Variants in OPA1 observed in about 807,000 individuals in gnomAD.
The protein encoded by OPA1 is OPA1 mitochondrial dynamin like GTPase.
Under a neutral mutation model 152.9 loss-of-function variants are expected in OPA1, and 59 were observed. The observed-to-expected ratio is 0.39, with a 90% CI of 0.31 to 0.48. The LOEUF (loss-of-function observed/expected upper bound fraction) is 0.48, where lower values mean the gene tolerates loss of function less well. Among genes scored for constraint, OPA1 ranks in the 20% least tolerant of loss-of-function variants. OPA1 has a pLI of 0.96. For synonymous variants in OPA1, 400 were observed against 389.9 expected, an observed-to-expected ratio of 1.03 and a Z score of -0.31; for missense variants, 1,008 against 1,216.8, an observed-to-expected ratio of 0.83 and a Z score of 2.55.
Position 193,593,256 on chromosome 3 carries a change from T to C in OPA1, c.-122T>C, listed in dbSNP as rs1724924981. On this transcript the variant is annotated 5_prime_UTR_variant, in exon 1 of 31. Coordinates refer to ENST00000361510, the MANE Select transcript of OPA1 (RefSeq NM_130837.3). The stretch of plus-strand genomic sequence containing the variant: ...CCATTGGGAGGGCCTCGGCCGCGGC[T>C]CTGTGCCCTTGCTGCTGAGGGCCAC... 3.1e-6 allele frequency: 3 copies of C among 981,064 alleles called. No homozygotes were observed. Among genetic ancestry groups the C allele is most frequent in the Admixed American group, 3.1e-5 (1 of 31,858 alleles). 60.8% of individuals were successfully genotyped at this position (981,064 alleles called of 1,614,324 possible). A position where few individuals can be genotyped will look rare whatever the true frequency, so the allele number is the denominator to read the frequency against.
chr3:193,597,377 C>G (rs547234672), intron 1 of OPA1, among the ~76,000 whole-genome samples: 1 of 152,244 alleles, frequency 6.6e-6, no homozygotes, highest in Admixed American at 6.5e-5. Context: ...TCCGTAAGAG[C>G]TGTTTCGCTG....
At chr3:193,675,901 G>A (rs564593531) in intron 29 of OPA1, among the ~76,000 whole-genome samples, 1 of 152,234 alleles carries the variant, frequency 6.6e-6, no homozygotes, top group Non-Finnish European at 1.5e-5. Flanking sequence ...AAGTTGGGGG[G>A]AACTAACTCT....
chr3:193,614,090 A>G (rs889471450), intron 1 of OPA1: 6 of 418,594 alleles, frequency 1.4e-5, no homozygotes, highest in Non-Finnish European at 2.8e-5. Flanking sequence ...CAATGTGTAC[A>G]TTTAAATTCT....
chr3:193,671,339 A>G (rs140631430), intron 29 of OPA1, among the ~76,000 whole-genome samples: 37 of 152,350 alleles, frequency 2.4e-4, no homozygotes, highest in Admixed American at 3.9e-4. Flanking sequence ...TTCAGTCATA[A>G]CAATACATGA....
chr3:193,671,772 G>T (rs1186214475), intron 29 of OPA1, among the ~76,000 whole-genome samples: 1 of 152,156 alleles, frequency 6.6e-6, no homozygotes, highest in African/African-American at 2.4e-5. Flanking sequence ...TTAAAAAAAG[G>T]TTAAATTTTG....
intron 28 of OPA1, 84 bp from the exon 29 acceptor site, chr3:193,667,084 ACT>A (rs1484176327): frequency 4.0e-5 from 29 of 724,096 alleles, no homozygotes; most frequent in Non-Finnish European, 4.3e-5. Flanking sequence ...TAAAAAATTT[ACT>A]CTCCATATAT....
chr3:193,615,141 A>C, intron 2 of OPA1, 100 bp downstream of exon 2: 1 of 952,872 alleles, frequency 1.0e-6, no homozygotes, highest in African/African-American at 1.6e-5. Context: ...TGGATGTTTA[A>C]ACATTTATTT....
chr3:193,625,808 A>G (rs1270862158), intron 6 of OPA1, among the ~76,000 whole-genome samples: 2 of 151,522 alleles, frequency 1.3e-5, no homozygotes, highest in Non-Finnish European at 2.9e-5. Context: ...TTTTTTCTCC[A>G]TATTTTTTAT....
intron 29 of OPA1, among the ~76,000 whole-genome samples, chr3:193,672,868 C>CA (rs10713785): frequency 3.8e-5 from 4 of 106,048 alleles, no homozygotes; most frequent in South Asian, 3.1e-4. Flanking sequence ...GACTCCATCT[C>CA]AAAAAAAAAA....
chr3:193,603,408 T>A (rs573594098), intron 1 of OPA1: 1 of 152,366 alleles, frequency 6.6e-6, no homozygotes, highest in East Asian at 1.9e-4. Flanking sequence ...TGATTGAGCA[T>A]AAAAATCTGC....
At chr3:193,626,263 A>G in intron 7 of OPA1, 61 bp downstream of exon 7, 1 of 1,165,324 alleles carries the variant, frequency 8.6e-7, no homozygotes, top group Non-Finnish European at 1.3e-6. Flanking sequence ...TTCTGCCAAG[A>G]TCATGTCACC....
At chr3:193,644,808 T>G (rs986093459) in intron 16 of OPA1, among the ~76,000 whole-genome samples, 4 of 152,214 alleles carry the variant, frequency 2.6e-5, no homozygotes, top group Admixed American at 2.6e-4. Context: ...TTTATATTTC[T>G]TCTGAGATGC....
At chr3:193,612,364 A>T (rs574638484) in intron 1 of OPA1, among the ~76,000 whole-genome samples, 2 of 151,748 alleles carry the variant, frequency 1.3e-5, no homozygotes, top group South Asian at 4.2e-4. Context: ...AGAGATGGAC[A>T]AAGAAGGAAC....
chr3:193,660,642 T>G, intron 25 of OPA1, among the ~76,000 whole-genome samples: 1 of 152,184 alleles, frequency 6.6e-6, no homozygotes. Flanking sequence ...CAGATGTGAG[T>G]CTCAACTTTC....
chr3:193,623,109 T>G (rs1263796956), intron 6 of OPA1, among the ~76,000 whole-genome samples: 1 of 152,202 alleles, frequency 6.6e-6, no homozygotes, highest in Non-Finnish European at 1.5e-5. Context: ...AGATTCGATG[T>G]CTTTTGAGGA....
chr3:193,615,865 A>G lies in OPA1; in HGVS notation c.448+95A>G, dbSNP rs149769681. 2.8e-4 allele frequency: 222 copies of G among 795,436 alleles called. No individual in the cohort carries two copies. In the Middle Eastern group the frequency reaches 3.8e-3, roughly 14 times the overall value. 49.3% of individuals were successfully genotyped at this position (795,436 alleles called of 1,614,324 possible). On this transcript the variant is annotated intron_variant, in intron 3 of 30. Coordinates refer to ENST00000361510, the MANE Select transcript of OPA1 (RefSeq NM_130837.3). ...GTTTCTTAACTTATGAACCTAATAT[A>G]TCACGGTTTTATTTTAATGATATAA...
chr3:193,633,098 G>A (rs1298311757), intron 8 of OPA1, among the ~76,000 whole-genome samples: 1 of 120,906 alleles, frequency 8.3e-6, no homozygotes, highest in Non-Finnish European at 1.8e-5. Context: ...TGCTCTGAGT[G>A]GCACTATATC....
At chr3:193,615,603 TTAAA>T in intron 2 of OPA1, 67 bp from the exon 3 acceptor site, 1 of 885,582 alleles carries the variant, frequency 1.1e-6, no homozygotes, top group African/African-American at 1.6e-5. Context: ...TGTGTTTTAA[TTAAA>T]TAATTTTTCT....
At chr3:193,672,892 CA>C (rs1718250147) in intron 29 of OPA1, among the ~76,000 whole-genome samples, 4 of 144,792 alleles carry the variant, frequency 2.8e-5, no homozygotes, top group Non-Finnish European at 6.1e-5. Context: ...AAACGAAAAA[CA>C]AAAACCTAAG....
Sources: allele counts gnomAD v4.1 joint callset (sites outside exome capture counted in the v4.1 genomes callset), GRCh38; gene constraint gnomAD v4.1.1; transcripts MANE v1.5; gene names NCBI Gene and HGNC (gene_info 2026-07-23, HGNC 2026-07-21).